The following ZBTB20 variants were observed in gnomAD, a reference collection of about 807,000 sequenced individuals.
ZBTB20 encodes the protein zinc finger and BTB domain containing 20.
In ZBTB20, 9 loss-of-function variants were observed where a neutral mutation model predicts 56.9. That is an observed-to-expected ratio of 0.16 (90% confidence interval 0.10 to 0.28). ZBTB20 has a LOEUF of 0.28. ZBTB20 is among the 10% of genes least tolerant of loss of function. The probability of loss-of-function intolerance (pLI) is 1.00; values close to 1 mark genes in which losing one functional copy is unlikely to be tolerated. For missense variants in ZBTB20, 655 were observed against 1,003.0 expected, an observed-to-expected ratio of 0.65 and a Z score of 4.69; for synonymous variants, 417 against 420.7, an observed-to-expected ratio of 0.99 and a Z score of 0.11.
intron 5 of ZBTB20, among the ~76,000 whole-genome samples, chr3:114,772,534 C>T (rs561296930): frequency 6.6e-6 from 1 of 152,030 alleles, no homozygotes; most frequent in East Asian, 1.9e-4. Context: ...TAATGGTCAA[C>T]TTGGTTTTCC....
At chr3:114,748,915 T>C (rs1396465711) in intron 5 of ZBTB20, among the ~76,000 whole-genome samples, 2 of 152,162 alleles carry the variant, frequency 1.3e-5, no homozygotes, top group Non-Finnish European at 2.9e-5. Flanking sequence ...AATAAAGCAC[T>C]AAATAATTAT....
chr3:114,896,201 C>A (rs1024691108), intron 4 of ZBTB20, among the ~76,000 whole-genome samples: 1 of 152,014 alleles, frequency 6.6e-6, no homozygotes, highest in Non-Finnish European at 1.5e-5. Flanking sequence ...ATTATAAGAA[C>A]ACATGAAAAT....
intron 6 of ZBTB20, among the ~76,000 whole-genome samples, chr3:114,577,716 A>G (rs143326006): frequency 1.2e-4 from 19 of 152,306 alleles, no homozygotes; most frequent in African/African-American, 4.1e-4. Context: ...TTGGCCAACT[A>G]CTGCCTGGGG....
intron 3 of ZBTB20, among the ~76,000 whole-genome samples, chr3:114,918,045 C>T (rs2075816521): frequency 6.6e-6 from 1 of 152,146 alleles, no homozygotes; most frequent in South Asian, 2.1e-4. Flanking sequence ...CCTTAAGAAT[C>T]TACCTGGTGC....
chr3:115,099,147 C>T (rs1047864930), intron 1 of ZBTB20, among the ~76,000 whole-genome samples: 63 of 151,992 alleles, frequency 4.1e-4, no homozygotes, highest in African/African-American at 1.3e-3. Flanking sequence ...TGTAACTTTT[C>T]CCACTATAAA....
intron 2 of ZBTB20, among the ~76,000 whole-genome samples, chr3:115,042,271 C>A (rs772911414): frequency 1.3e-5 from 2 of 152,176 alleles, no homozygotes; most frequent in African/African-American, 2.4e-5. Context: ...ACAATATACT[C>A]TATGCCATCA....
At chr3:114,671,526 C>T (rs2061359045) in intron 6 of ZBTB20, among the ~76,000 whole-genome samples, 1 of 151,848 alleles carries the variant, frequency 6.6e-6, no homozygotes, top group Admixed American at 6.6e-5. Context: ...GATATCATAT[C>T]AATTATATTT....
At chr3:114,826,923 T>C (rs1218794170) in intron 4 of ZBTB20, among the ~76,000 whole-genome samples, 2 of 151,694 alleles carry the variant, frequency 1.3e-5, no homozygotes, top group African/African-American at 4.8e-5. Context: ...TTGTAGGATA[T>C]TGAACAAGGT....
intron 7 of ZBTB20, among the ~76,000 whole-genome samples, chr3:114,482,804 C>G (rs999582496): frequency 6.6e-6 from 1 of 152,138 alleles, no homozygotes; most frequent in Non-Finnish European, 1.5e-5. Flanking sequence ...AACCTCTAAT[C>G]AAGGACTTTT....
chr3:114,981,831 TAATCTTTCATGAGTTCTTC>T (rs1180458262), intron 2 of ZBTB20, among the ~76,000 whole-genome samples: 1 of 152,050 alleles, frequency 6.6e-6, no homozygotes, highest in Admixed American at 6.6e-5. Context: ...TTTCCAGCTT[TAATCTTTCATGAGTTCTTC>T]AATCTTTCAT....
chr3:115,099,932 A>G (rs1227651654), intron 1 of ZBTB20, among the ~76,000 whole-genome samples: 1 of 152,128 alleles, frequency 6.6e-6, no homozygotes, highest in East Asian at 1.9e-4. Flanking sequence ...GTTTGTAATT[A>G]TTTTTAAAGT....
At chr3:114,662,686 G>T (rs2060808089) in intron 6 of ZBTB20, among the ~76,000 whole-genome samples, 1 of 144,230 alleles carries the variant, frequency 6.9e-6, no homozygotes, top group African/African-American at 2.6e-5. Flanking sequence ...TGTGTTTTTT[G>T]GCTGCATAAA....
rs6801092 is a variant in ZBTB20, at chr3:114,362,184, C to A, written c.200-10306G>T. On this transcript the variant is annotated intron_variant, in intron 10 of 11. Coordinates refer to ENST00000675478, the MANE Select transcript of ZBTB20 (RefSeq NM_001348800.3). ...GTTGAGGAGTGTTGGGGAAGTTCAC[C>A]TGAACTTCCTATACATGTAGCACCT... Among the ~76,000 whole-genome samples the A allele has an allele frequency of 3.8e-3, 585 of 152,240 alleles. 3 individuals carry two copies. Among genetic ancestry groups the A allele is most frequent in the African/African-American group, 0.013 (560 of 41,536 alleles).
At chr3:114,656,855 C>G (rs2060435567) in intron 6 of ZBTB20, among the ~76,000 whole-genome samples, 1 of 152,162 alleles carries the variant, frequency 6.6e-6, no homozygotes, top group Admixed American at 6.5e-5. Context: ...GCTATCTATT[C>G]TCATGCCTCA....
At chr3:114,780,044 G>T (rs2069959849) in intron 5 of ZBTB20, among the ~76,000 whole-genome samples, 2 of 152,154 alleles carry the variant, frequency 1.3e-5, no homozygotes, top group Non-Finnish European at 2.9e-5. Context: ...AATAAAACCA[G>T]ACTTTAAATC....
In ZBTB20 at chr3:114,451,388, G is replaced by T. The variant is rs535498464; in HGVS notation, c.-255+48964C>A. 7.9e-5 allele frequency among the ~76,000 whole-genome samples: 12 copies of T among 152,124 alleles called. No homozygotes were observed. In the East Asian group the frequency reaches 2.3e-3, roughly 29 times the overall value. On this transcript the variant is annotated intron_variant, in intron 7 of 11. Transcript: ENST00000675478. ...ATTAAGGTGAGGGAGTGGGCCAAGG[G>T]CAGACCAACAAGCATATAGGATCTC...
At chr3:114,805,130 G>C (rs2072008146) in intron 4 of ZBTB20, among the ~76,000 whole-genome samples, 1 of 151,850 alleles carries the variant, frequency 6.6e-6, no homozygotes, top group Non-Finnish European at 1.5e-5. Flanking sequence ...TCCTTCACTA[G>C]TTTTTCCTAA....
At chr3:114,774,776 TTC>T (rs1491454864) in intron 5 of ZBTB20, among the ~76,000 whole-genome samples, 1 of 152,210 alleles carries the variant, frequency 6.6e-6, no homozygotes, top group Non-Finnish European at 1.5e-5. Context: ...AGGCATGATG[TTC>T]TTTTTTTGTT....
intron 6 of ZBTB20, among the ~76,000 whole-genome samples, chr3:114,652,801 T>C (rs1010979004): frequency 1.1e-4 from 16 of 151,978 alleles, no homozygotes; most frequent in Admixed American, 1.0e-3. Flanking sequence ...AAATACTGAG[T>C]ATTCATCTAT....
Sources: gnomAD v4.1 joint callset for allele counts (sites outside exome capture counted in the v4.1 genomes callset) on GRCh38, gnomAD v4.1.1 for gene constraint, MANE v1.5 for transcripts, NCBI Gene and HGNC (gene_info 2026-07-23, HGNC 2026-07-21) for gene names.